Variants in MCF2L observed in about 807,000 individuals in gnomAD.
The protein encoded by MCF2L is guanine nucleotide exchange factor DBS.
Under a neutral mutation model 153.4 loss-of-function variants are expected in MCF2L, and 97 were observed. The ratio of observed to expected loss-of-function variants is 0.63; its 90% CI spans 0.54 to 0.75. The LOEUF is 0.75. Among genes scored for constraint, MCF2L ranks in the 30% least tolerant of loss-of-function variants. MCF2L has a pLI of 0.00. For missense variants in MCF2L, 1,347 were observed against 1,495.2 expected, an observed-to-expected ratio of 0.90 and a Z score of 1.64; for synonymous variants, 659 against 632.2, an observed-to-expected ratio of 1.04 and a Z score of -0.64.
chr13:112,968,433 T>G (rs756720425), upstream of MCF2L: 1 of 1,582,284 alleles, frequency 6.3e-7, no homozygotes, highest in East Asian at 2.3e-5. Context: ...ACGCTGCGTG[T>G]GTCGAGTGCA....
At chr13:113,041,791 G>C (rs1382778523) in intron 3 of MCF2L, among the ~76,000 whole-genome samples, 3 of 152,194 alleles carry the variant, frequency 2.0e-5, no homozygotes, top group Non-Finnish European at 2.9e-5. Flanking sequence ...GGGCTGCGCA[G>C]GGCAGGAGGC....
intron 2 of MCF2L, among the ~76,000 whole-genome samples, chr13:112,902,854 C>T (rs2081133204): frequency 6.6e-6 from 1 of 152,144 alleles, no homozygotes; most frequent in East Asian, 1.9e-4. Context: ...TGGCTGTACC[C>T]CGAGGTGAGA....
In MCF2L at chr13:113,016,703, G is replaced by A. The variant is rs545861191; in HGVS notation, c.163+1857G>A. ...TCCCCCTGCCTCCCGCCAACCTCGG[G>A]GCCTTTGCACAGCCGGCCCTCTCCA... On this transcript the variant is annotated intron_variant, in intron 2 of 29. Transcript: ENST00000535094. 3.4e-4 allele frequency among the ~76,000 whole-genome samples: 52 copies of A among 152,210 alleles called. No individual in the cohort carries two copies. In the South Asian group the frequency reaches 3.5e-3, roughly 10 times the overall value.
At position 113,088,975 on chromosome 13, in the gene MCF2L, G is replaced by A. The variant is rs559007623; in HGVS notation, c.2834+347G>A. ...GATGGCCCAGCACACACGTGGGCAC[G>A]TTTCAGACTCCGACCCTGACCGTGG... On this transcript the variant is annotated intron_variant, in intron 25 of 29. Transcript: ENST00000535094. 5.3e-5 allele frequency among the ~76,000 whole-genome samples: 8 copies of A among 152,334 alleles called. No individual in the cohort carries two copies. In the South Asian group the frequency reaches 8.3e-4, roughly 16 times the overall value.
intron 2 of MCF2L, among the ~76,000 whole-genome samples, chr13:112,958,854 T>C (rs2081790221): frequency 6.6e-6 from 1 of 152,142 alleles, no homozygotes; most frequent in African/African-American, 2.4e-5. Context: ...GGTGACTTCT[T>C]TGAGACCCTC....
intron 2 of MCF2L, among the ~76,000 whole-genome samples, chr13:112,940,454 G>A (rs971737061): frequency 2.6e-5 from 4 of 152,222 alleles, no homozygotes; most frequent in African/African-American, 7.2e-5. Context: ...TCCCGTGGTC[G>A]GGTGGGGCGG....
chr13:112,935,972 C>T (rs755689470), intron 2 of MCF2L, among the ~76,000 whole-genome samples: 4 of 152,152 alleles, frequency 2.6e-5, no homozygotes, highest in South Asian at 2.1e-4. Context: ...ATCCTTCCCT[C>T]GCAGCCTCAG....
intron 4 of MCF2L, 74 bp from the exon 5 acceptor site, chr13:113,060,519 T>C: frequency 6.3e-7 from 1 of 1,576,866 alleles, no homozygotes; most frequent in Non-Finnish European, 8.6e-7. Flanking sequence ...CAGCCCAGCG[T>C]GCAGGCACCG....
chr13:112,980,433 C>T (rs2082368401), intron 1 of MCF2L, among the ~76,000 whole-genome samples: 1 of 152,252 alleles, frequency 6.6e-6, no homozygotes, highest in Admixed American at 6.5e-5. Flanking sequence ...AGCCCCCACC[C>T]CTGCTTTGAC....
chr13:113,087,555 C>G, intron 22 of MCF2L, 99 bp downstream of exon 22: 1 of 1,158,200 alleles, frequency 8.6e-7, no homozygotes, highest in Non-Finnish European at 1.2e-6. Flanking sequence ...ACACCCAGCT[C>G]TCAGCCTTAG....
At chr13:112,966,315 AG>A (rs566384649), upstream of MCF2L, among the ~76,000 whole-genome samples, 21 of 152,258 alleles carry the variant, frequency 1.4e-4, no homozygotes, top group Non-Finnish European at 2.8e-4. The surrounding 1 kb of genome is among the most constrained non-coding windows in gnomAD (Gnocchi z 4.1). Flanking sequence ...TGGAAGGTCC[AG>A]GGGCAGCTGG....
In MCF2L at chr13:113,083,588, G is replaced by T. The variant is rs534385880; in HGVS notation, c.1992-410G>T. 2.5e-3 allele frequency among the ~76,000 whole-genome samples: 382 copies of T among 152,342 alleles called. 1 individual carries two copies. The highest frequency in any genetic ancestry group is 8.8e-3 in the African/African-American group (367 of 41,582). On this transcript the variant is annotated intron_variant, in intron 17 of 29. Transcript: ENST00000535094. ...ACAGATGCAACAGAAAACAGCCCAGGAGCCTGGGGGCGGCGCTGCCTAGGG... is the reference window on the plus strand; with the variant it reads ...ACAGATGCAACAGAAAACAGCCCAGTAGCCTGGGGGCGGCGCTGCCTAGGG...
chr13:113,069,974 T>C (rs573975216), intron 8 of MCF2L, 85 bp from the exon 9 acceptor site: 5 of 851,428 alleles, frequency 5.9e-6, no homozygotes, highest in South Asian at 1.5e-5. Context: ...GAGATGAGCC[T>C]TGGGGTCGCT....
chr13:112,931,680 A>G (rs1388615990), intron 2 of MCF2L, among the ~76,000 whole-genome samples: 1 of 152,180 alleles, frequency 6.6e-6, no homozygotes, highest in Non-Finnish European at 1.5e-5. Flanking sequence ...TCTTCAGTAA[A>G]AGCAACTGGG....
At chr13:112,971,820 C>T (rs2082047674) in intron 1 of MCF2L, among the ~76,000 whole-genome samples, 1 of 152,168 alleles carries the variant, frequency 6.6e-6, no homozygotes, top group Non-Finnish European at 1.5e-5. Context: ...TGATAGGGCT[C>T]ATTTTCGTCT....
chr13:112,957,549 G>C (rs568315093), intron 2 of MCF2L: 1 of 152,174 alleles, frequency 6.6e-6, no homozygotes, highest in Admixed American at 6.5e-5. Context: ...CCAGATAGAC[G>C]CCAGATAGAC....
At chr13:113,040,777 G>A (rs2086436668) in intron 3 of MCF2L, 1 of 152,292 alleles carries the variant, frequency 6.6e-6, no homozygotes, top group Non-Finnish European at 1.5e-5. Flanking sequence ...CACTGGTAGA[G>A]AGGAGCCAGC....
At chr13:112,981,924 T>C (rs1190839927) in intron 1 of MCF2L, among the ~76,000 whole-genome samples, 1 of 152,124 alleles carries the variant, frequency 6.6e-6, no homozygotes, top group Non-Finnish European at 1.5e-5. Context: ...GCGTCTCCGA[T>C]TGGAAGGTGG....
At position 113,070,209 on chromosome 13, in the gene MCF2L, AT is replaced by A; in HGVS notation, c.996+37del. The A allele has an allele frequency of 7.1e-7, 1 of 1,418,020 alleles. No individual in the cohort carries two copies. The highest frequency in any genetic ancestry group is 9.6e-7 in the Non-Finnish European group (1 of 1,042,360). The allele number at this position is 1,418,020 out of a possible 1,614,324, so 87.8% of individuals were successfully genotyped here. On this transcript the variant is annotated intron_variant, in intron 9 of 29. Coordinates refer to ENST00000535094, the MANE Select transcript of MCF2L (RefSeq NM_001112732.3). The surrounding 1 kb of genome is among the most constrained non-coding windows in gnomAD (Gnocchi z 5.6). ...CTGGGTGGAGCCGGCAGCCGCCCTG[AT>A]GCTCACGGGGCCTCCTGTGCCTGCG...
Sources: allele counts gnomAD v4.1 joint callset (sites outside exome capture counted in the v4.1 genomes callset), GRCh38; gene constraint gnomAD v4.1.1; non-coding constraint Gnocchi (gnomAD v3.1); transcripts MANE v1.5; gene names NCBI Gene and HGNC (gene_info 2026-07-23, HGNC 2026-07-21).